GYPC: variants seen among roughly 807,000 people sequenced by gnomAD.
GYPC encodes the protein glycophorin-C.
In GYPC, 14 loss-of-function variants were observed where a neutral mutation model predicts 12.6. That is an observed-to-expected ratio of 1.11 (90% CI 0.74 to 1.74). The LOEUF is 1.74. Among genes scored for constraint, GYPC ranks in the 40% most tolerant of loss-of-function variants. GYPC has a pLI of 0.00. For synonymous variants in GYPC, 78 were observed against 62.1 expected, an observed-to-expected ratio of 1.26 and a Z score of -1.20; for missense variants, 225 against 172.1, an observed-to-expected ratio of 1.31 and a Z score of -1.72.
intron 2 of GYPC, among the ~76,000 whole-genome samples, chr2:126,690,749 C>A (rs1325941871): frequency 5.9e-5 from 9 of 152,062 alleles, no homozygotes; most frequent in Non-Finnish European, 1.3e-4. Context: ...GACCCCCAAC[C>A]CTCCATCCTC....
intron 1 of GYPC, among the ~76,000 whole-genome samples, chr2:126,663,586 C>T (rs1682598957): frequency 6.6e-6 from 1 of 152,220 alleles, no homozygotes; most frequent in South Asian, 2.1e-4. Flanking sequence ...TCTTTGAAAG[C>T]ACCGTATGAG....
At chr2:126,686,611 C>G (rs1339389447) in intron 1 of GYPC, 2 of 980,878 alleles carry the variant, frequency 2.0e-6, no homozygotes, top group Non-Finnish European at 2.4e-6. Context: ...GAGTTGTGAG[C>G]AAGACAAGCC....
intron 1 of GYPC, among the ~76,000 whole-genome samples, chr2:126,688,780 CAGCAGGCAGTTACTTATAAGAA>C (rs1683364195): frequency 6.6e-6 from 1 of 152,118 alleles, no homozygotes; most frequent in Admixed American, 6.5e-5. Flanking sequence ...CTCCTGACTC[CAGCAGGCAGTTACTTATAAGAA>C]AGAGGCATCT....
At chr2:126,674,879 C>G (rs547426117) in intron 1 of GYPC, among the ~76,000 whole-genome samples, 50 of 152,324 alleles carry the variant, frequency 3.3e-4, no homozygotes, top group African/African-American at 1.1e-3. Flanking sequence ...TGTTAACCCC[C>G]CAACACATTT....
chr2:126,696,063 A>G lies in GYPC; in HGVS notation c.308A>G (p.Glu103Gly), dbSNP rs745734035. 1.2e-6 allele frequency: 2 copies of G among 1,614,140 alleles called. No homozygotes were observed. Among genetic ancestry groups the G allele is most frequent in the Admixed American group, 3.3e-5 (2 of 60,036 alleles). ...TNEAKGTEFA[E>G]SADAALQGDP... is the part of the protein sequence containing the mutation. ...GAGGCCAAGGGCACGGAGTTTGCTG[A>G]GAGTGCAGATGCAGCCCTGCAGGGA... The change falls in exon 4 of 4, where the codon GAG (glutamate) becomes GGG (glycine). Residue 103 changes from glutamate to glycine, a missense_variant. Transcript: ENST00000259254.
At chr2:126,673,427 C>T (rs1349313166) in intron 1 of GYPC, among the ~76,000 whole-genome samples, 1 of 152,252 alleles carries the variant, frequency 6.6e-6, no homozygotes, top group East Asian at 1.9e-4. Context: ...GTTCACTGAG[C>T]CCTCCGTGTG....
intron 1 of GYPC, among the ~76,000 whole-genome samples, chr2:126,677,162 G>A (rs915452193): frequency 5.9e-5 from 9 of 152,176 alleles, no homozygotes; most frequent in African/African-American, 2.2e-4. Context: ...CTGTGCATAT[G>A]TGGAAAAGTG....
intron 1 of GYPC, among the ~76,000 whole-genome samples, chr2:126,668,362 G>A (rs1682744415): frequency 1.3e-5 from 2 of 152,180 alleles, no homozygotes; most frequent in Non-Finnish European, 1.5e-5. Context: ...ACAAGTTTGA[G>A]ATCTCCTGCC....
chr2:126,690,541 A>G (rs910838134), intron 2 of GYPC, among the ~76,000 whole-genome samples: 1 of 152,064 alleles, frequency 6.6e-6, no homozygotes, highest in Non-Finnish European at 1.5e-5. Context: ...AAATATACAT[A>G]GGTATGTCAT....
Position 126,696,497 on chromosome 2 carries a change from G to A in GYPC, c.*355G>A, listed in dbSNP as rs958915141. 2.0e-5 allele frequency: 7 copies of A among 354,354 alleles called. No individual in the cohort carries two copies. Among genetic ancestry groups the A allele is most frequent in the Admixed American group, 4.0e-5 (1 of 25,112 alleles). 22.0% of individuals were successfully genotyped at this position (354,354 alleles called of 1,614,324 possible). A position where few individuals can be genotyped will look rare whatever the true frequency, so the allele number is the denominator to read the frequency against. ...AGGGTGAGGGGGTGCTGGGGTACCC[G>A]GGGGCTGGGGAAGCAAGGAAATAAG... On this transcript the variant is annotated 3_prime_UTR_variant, in exon 4 of 4. Transcript: ENST00000259254.
intron 1 of GYPC, among the ~76,000 whole-genome samples, chr2:126,689,315 G>C (rs1008186956): frequency 6.6e-6 from 1 of 152,218 alleles, no homozygotes; most frequent in African/African-American, 2.4e-5. Context: ...TCACGTCTCT[G>C]AGCCTTGGTG....
At chr2:126,685,827 G>A in intron 1 of GYPC, 1 of 985,296 alleles carries the variant, frequency 1.0e-6, no homozygotes, top group Non-Finnish European at 1.2e-6. Flanking sequence ...TGTCATTGCA[G>A]GAAGTCTCCA....
At chr2:126,694,943 C>G (rs879417765) in intron 3 of GYPC, among the ~76,000 whole-genome samples, 1 of 152,174 alleles carries the variant, frequency 6.6e-6, no homozygotes, top group Non-Finnish European at 1.5e-5. Flanking sequence ...TTCCCCACCC[C>G]TCTGGAGTCC....
At chr2:126,687,733 C>T (rs1056476455) in intron 1 of GYPC, among the ~76,000 whole-genome samples, 3 of 152,234 alleles carry the variant, frequency 2.0e-5, no homozygotes, top group Admixed American at 6.5e-5. Context: ...CTGGCAATCC[C>T]AATGGTCTCC....
chr2:126,687,078 C>T (rs1312174255), intron 1 of GYPC, among the ~76,000 whole-genome samples: 1 of 152,134 alleles, frequency 6.6e-6, no homozygotes, highest in African/African-American at 2.4e-5. Context: ...AGGGAGTGCG[C>T]CAAGGGGGGC....
In GYPC at chr2:126,666,698, C is replaced by T. The variant is rs140587517; in HGVS notation, c.49+10386C>T. On this transcript the variant is annotated intron_variant, in intron 1 of 3. Transcript: ENST00000259254. ...GCCTTCCATTCTCCTGCCCCCCTCC[C>T]CTCCCTCCCTACACACACACACACA... 3.0e-4 allele frequency among the ~76,000 whole-genome samples: 44 copies of T among 148,902 alleles called. 1 individual carries two copies. In the East Asian group the frequency reaches 4.8e-3, roughly 16 times the overall value.
chr2:126,658,101 C>G (rs904459091), intron 1 of GYPC: 5 of 152,236 alleles, frequency 3.3e-5, no homozygotes, highest in Admixed American at 3.3e-4. Flanking sequence ...TTGCCTTGCC[C>G]TTGGATGGAA....
In GYPC at chr2:126,693,856, G is replaced by T; in HGVS notation, c.107-8G>T. On this transcript the variant is annotated splice_region_variant and splice_polypyrimidine_tract_variant and intron_variant, in intron 2 of 3. Transcript: ENST00000259254. ...CTCTGACCTCAGATTCTTGTCCTCT[G>T]TTCACAGAGCCTGATCCAGGGATGT... 6.3e-7 allele frequency: 1 copy of T among 1,595,910 alleles called. No homozygotes were observed.
chr2:126,695,140 C>T (rs1172270921), intron 3 of GYPC, among the ~76,000 whole-genome samples: 1 of 152,200 alleles, frequency 6.6e-6, no homozygotes, highest in Non-Finnish European at 1.5e-5. Context: ...CATTGAAAAA[C>T]ACAAACCACA....
Sources: gnomAD v4.1 joint callset for allele counts (sites outside exome capture counted in the v4.1 genomes callset) on GRCh38, gnomAD v4.1.1 for gene constraint, MANE v1.5 for transcripts, NCBI Gene and HGNC (gene_info 2026-07-23, HGNC 2026-07-21) for gene names.